Variants in MARCHF11 observed in about 807,000 individuals in gnomAD.
The protein encoded by MARCHF11 is membrane associated ring-CH-type finger 11.
In MARCHF11, 29 loss-of-function variants were observed where a neutral mutation model predicts 37.3. The ratio of observed to expected loss-of-function variants is 0.78; its 90% CI spans 0.58 to 1.06. MARCHF11 has a LOEUF of 1.06. Ranked by LOEUF, MARCHF11 falls within the 50% of genes least tolerant of loss-of-function variation. MARCHF11 has a pLI of 0.00. For missense variants in MARCHF11, 482 were observed against 533.4 expected (o/e 0.90, Z 0.95); for synonymous variants, 233 against 228.0 (o/e 1.02, Z -0.20).
intron 3 of MARCHF11, among the ~76,000 whole-genome samples, chr5:16,070,824 T>A (rs529547355): frequency 1.3e-5 from 2 of 152,316 alleles, no homozygotes; most frequent in African/African-American, 4.8e-5. Context: ...TGAACGATGT[T>A]TAGATTTTGT....
chr5:16,166,208 C>G (rs1738166194), intron 2 of MARCHF11, among the ~76,000 whole-genome samples: 1 of 152,152 alleles, frequency 6.6e-6, no homozygotes, highest in South Asian at 2.1e-4. Context: ...TCTTTACAAT[C>G]TGGCACTACA....
chr5:16,091,811 A>G (rs1736794669), intron 2 of MARCHF11, among the ~76,000 whole-genome samples: 1 of 152,240 alleles, frequency 6.6e-6, no homozygotes, highest in Admixed American at 6.5e-5. Flanking sequence ...CAATATTCAA[A>G]AGAATTTACA....
chr5:16,126,026 C>CT (rs1373003019), intron 2 of MARCHF11, among the ~76,000 whole-genome samples: 3 of 152,166 alleles, frequency 2.0e-5, no homozygotes, highest in Non-Finnish European at 4.4e-5. Context: ...TAAGTGTTCA[C>CT]TGTAAGGGAT....
At chr5:16,167,981 A>G (rs1738198727) in intron 2 of MARCHF11, among the ~76,000 whole-genome samples, 1 of 152,124 alleles carries the variant, frequency 6.6e-6, no homozygotes, top group African/African-American at 2.4e-5. Flanking sequence ...CCTGTAGAAC[A>G]TGAGTAAAAT....
chr5:16,086,988 T>A (rs958190604), intron 3 of MARCHF11, among the ~76,000 whole-genome samples: 9 of 152,184 alleles, frequency 5.9e-5, no homozygotes, highest in African/African-American at 2.2e-4. Context: ...TCTTTTTTAG[T>A]GGGAAGCCAA....
chr5:16,082,297 G>A (rs756139954), intron 3 of MARCHF11, among the ~76,000 whole-genome samples: 36 of 152,340 alleles, frequency 2.4e-4, no homozygotes, highest in Middle Eastern at 6.8e-3. Flanking sequence ...ATTTCCTGGG[G>A]CGCGAAGCAT....
chr5:16,089,850 T>C (rs1246704166), intron 3 of MARCHF11, among the ~76,000 whole-genome samples: 1 of 152,202 alleles, frequency 6.6e-6, no homozygotes, highest in Non-Finnish European at 1.5e-5. Flanking sequence ...ATGGTTGGAA[T>C]TATCCTTTGC....
intron 2 of MARCHF11, among the ~76,000 whole-genome samples, chr5:16,144,217 T>C (rs1010188157): frequency 3.9e-5 from 6 of 152,210 alleles, no homozygotes; most frequent in African/African-American, 1.4e-4. Flanking sequence ...TGATTATTTC[T>C]CAGAGAAACT....
chr5:16,072,982 A>G (rs1043350705), intron 3 of MARCHF11, among the ~76,000 whole-genome samples: 10 of 152,212 alleles, frequency 6.6e-5, no homozygotes, highest in African/African-American at 2.4e-4. Context: ...CACAAACTCC[A>G]GAACTTAATT....
intron 2 of MARCHF11, among the ~76,000 whole-genome samples, chr5:16,152,293 G>T (rs1737902447): frequency 6.6e-6 from 1 of 151,918 alleles, no homozygotes; most frequent in Admixed American, 6.6e-5. Context: ...CATTTCTAAA[G>T]CTGAGATTTG....
chr5:16,106,607 A>G (rs1737044019), intron 2 of MARCHF11, among the ~76,000 whole-genome samples: 1 of 152,142 alleles, frequency 6.6e-6, no homozygotes, highest in African/African-American at 2.4e-5. Context: ...TTCTAATTCT[A>G]GTCCAGTCAT....
chr5:16,085,939 CAAAAAAAAAAAAAAAAA>C (rs56782867), intron 3 of MARCHF11, among the ~76,000 whole-genome samples: 33 of 40,972 alleles, frequency 8.1e-4, no homozygotes, highest in East Asian at 2.8e-3. Flanking sequence ...GACTCCATCT[CAAAAAAAAAAAAAAAAA>C]AAAAAAAAAA....
At chr5:16,148,389 C>A (rs1303259553) in intron 2 of MARCHF11, among the ~76,000 whole-genome samples, 1 of 152,066 alleles carries the variant, frequency 6.6e-6, no homozygotes, top group Non-Finnish European at 1.5e-5. Flanking sequence ...CGTCTCTTTC[C>A]TTCTTTCCTC....
chr5:16,090,737 C>A (rs537614637), intron 3 of MARCHF11, 152 bp downstream of exon 3: 3 of 523,772 alleles, frequency 5.7e-6, no homozygotes, highest in East Asian at 6.8e-5. Flanking sequence ...CTTAGAAAAG[C>A]AGCCCAATTG....
At chr5:16,139,412 A>T (rs1002503040) in intron 2 of MARCHF11, among the ~76,000 whole-genome samples, 4 of 151,448 alleles carry the variant, frequency 2.6e-5, no homozygotes, top group African/African-American at 9.7e-5. Flanking sequence ...AGTCCATTAA[A>T]CCTCTTTTTC....
At chr5:16,076,894 G>A (rs1736527620) in intron 3 of MARCHF11, among the ~76,000 whole-genome samples, 1 of 152,164 alleles carries the variant, frequency 6.6e-6, no homozygotes, top group African/African-American at 2.4e-5. Flanking sequence ...ATGGCCAGTG[G>A]CCAGAAGGGA....
intron 3 of MARCHF11, among the ~76,000 whole-genome samples, chr5:16,070,352 ACTT>A (rs1157458025): frequency 6.6e-6 from 1 of 152,170 alleles, no homozygotes; most frequent in African/African-American, 2.4e-5. Flanking sequence ...AAGCCCTCAC[ACTT>A]CTTCTGGGAC....
chr5:16,130,433 T>C (rs1175600807), intron 2 of MARCHF11, among the ~76,000 whole-genome samples: 2 of 152,158 alleles, frequency 1.3e-5, no homozygotes, highest in Non-Finnish European at 2.9e-5. Flanking sequence ...GCTGGTGATA[T>C]GTGGGCATTA....
rs572264169 is a variant in MARCHF11, at chr5:16,075,869, T to C, written c.887-8076A>G. ...GAACATATGGGCAGGGCAGAGGACA[T>C]GGCCAGGGCAAAAGAACTAAAATTC... On this transcript the variant is annotated intron_variant, in intron 3 of 3. Transcript: ENST00000332432. Among the ~76,000 whole-genome samples the C allele has an allele frequency of 8.5e-5, 13 of 152,240 alleles. No individual in the cohort carries two copies. In the South Asian group the frequency reaches 2.7e-3, roughly 32 times the overall value.
Sources: gnomAD v4.1 joint callset for allele counts (sites outside exome capture counted in the v4.1 genomes callset) on GRCh38, gnomAD v4.1.1 for gene constraint, MANE v1.5 for transcripts, NCBI Gene and HGNC (gene_info 2026-07-23, HGNC 2026-07-21) for gene names.